The following LEF1 variants were observed in gnomAD, a reference collection of about 807,000 sequenced individuals.
LEF1 encodes the protein lymphoid enhancer-binding factor 1.
Under a neutral mutation model 51.2 loss-of-function variants are expected in LEF1, and 14 were observed. The ratio of observed to expected loss-of-function variants is 0.27; its 90% CI spans 0.18 to 0.43. The LOEUF (loss-of-function observed/expected upper bound fraction) is 0.43, where lower values mean the gene tolerates loss of function less well. LEF1 is among the 20% of genes least tolerant of loss of function. The pLI, the probability that LEF1 is intolerant of heterozygous loss-of-function variation, is 1.00. For synonymous variants in LEF1, 185 were observed against 183.2 expected (o/e 1.01, Z -0.08); for missense variants, 386 against 512.0 (o/e 0.75, Z 2.37).
intron 3 of LEF1, among the ~76,000 whole-genome samples, chr4:108,116,075 C>T (rs1319334020): frequency 2.0e-5 from 3 of 152,118 alleles, no homozygotes; most frequent in Admixed American, 1.3e-4. Flanking sequence ...GCTGTGCTCC[C>T]GCCCAGGCAA....
intron 3 of LEF1, among the ~76,000 whole-genome samples, chr4:108,090,229 T>G (rs1739927770): frequency 6.6e-6 from 1 of 152,162 alleles, no homozygotes; most frequent in African/African-American, 2.4e-5. Flanking sequence ...CTGCCCACTT[T>G]GGCCTCCCAA....
intron 3 of LEF1, among the ~76,000 whole-genome samples, chr4:108,091,454 GA>G (rs1188972900): frequency 0.044 from 1,404 of 31,818 alleles, 10 homozygotes; most frequent in Middle Eastern, 0.23. Flanking sequence ...ACGGGGGGGG[GA>G]AAAAAAAGGA....
chr4:108,123,311 T>A (rs957660734), intron 3 of LEF1, among the ~76,000 whole-genome samples: 2 of 152,152 alleles, frequency 1.3e-5, no homozygotes, highest in African/African-American at 4.8e-5. Flanking sequence ...CTTCTTCTAG[T>A]CAGTGACAGC....
chr4:108,115,846 T>TACACACACACACACACACAC lies in LEF1; in HGVS notation c.415-26609_415-26590dup, dbSNP rs55839332. 2.8e-3 allele frequency among the ~76,000 whole-genome samples: 394 copies of TACACACACACACACACACAC among 139,364 alleles called. 5 individuals are homozygous for TACACACACACACACACACAC. Among genetic ancestry groups the TACACACACACACACACACAC allele is most frequent in the African/African-American group, 9.8e-3 (361 of 36,762 alleles). 91.4% of individuals were successfully genotyped at this position (139,364 alleles called of 152,430 possible). A position where few individuals can be genotyped will look rare whatever the true frequency, so the allele number is the denominator to read the frequency against. On this transcript the variant is annotated intron_variant, in intron 3 of 11. Coordinates refer to ENST00000265165, the MANE Select transcript of LEF1 (RefSeq NM_016269.5). ...AAAGGTCTGCCTATAATGTAACACA[T>TACACACACACACACACACAC]ACACACACACACACACACACACACA... is the stretch of plus-strand genomic sequence containing the variant.
intron 11 of LEF1, among the ~76,000 whole-genome samples, chr4:108,059,288 G>A (rs1280960696): frequency 6.6e-6 from 1 of 152,206 alleles, no homozygotes; most frequent in Non-Finnish European, 1.5e-5. Context: ...CAAAAAATGG[G>A]AAGCATTCCA....
intron 3 of LEF1, among the ~76,000 whole-genome samples, chr4:108,120,995 C>A (rs1016560837): frequency 2.0e-5 from 3 of 152,192 alleles, no homozygotes; most frequent in African/African-American, 7.2e-5. Flanking sequence ...AATCATTCTG[C>A]AAAGTAAAAA....
chr4:108,101,920 C>T (rs1740850228), intron 3 of LEF1, among the ~76,000 whole-genome samples: 1 of 152,044 alleles, frequency 6.6e-6, no homozygotes, highest in Non-Finnish European at 1.5e-5. Context: ...ATTAGCCAGA[C>T]ATGGTGGCAT....
At chr4:108,152,112 AAG>A (rs1272614808) in intron 3 of LEF1, among the ~76,000 whole-genome samples, 2 of 152,226 alleles carry the variant, frequency 1.3e-5, no homozygotes, top group African/African-American at 2.4e-5. Flanking sequence ...GAGGACCCGA[AAG>A]AGAGAGTAGT....
chr4:108,106,586 G>A lies in LEF1; in HGVS notation c.415-17329C>T, dbSNP rs537692938. Reference sequence around the variant, plus strand: ...CACACATTAGGGTACTTTTGTTGTCGTTTCATGCAACACAAGTTATAAAGT... The same window carrying A: ...CACACATTAGGGTACTTTTGTTGTCATTTCATGCAACACAAGTTATAAAGT... On this transcript the variant is annotated intron_variant, in intron 3 of 11. Transcript: ENST00000265165. Among the ~76,000 whole-genome samples the A allele has an allele frequency of 7.2e-5, 11 of 152,224 alleles. No homozygotes were observed. The South Asian group carries it at 1.0e-3, about 14-fold the overall frequency.
chr4:108,102,926 T>C (rs1740922829), intron 3 of LEF1, among the ~76,000 whole-genome samples: 2 of 152,208 alleles, frequency 1.3e-5, no homozygotes, highest in Non-Finnish European at 2.9e-5. Context: ...TGGATCTCAT[T>C]ATCACCCTGC....
intron 4 of LEF1, among the ~76,000 whole-genome samples, chr4:108,084,808 T>G (rs4391117): frequency 0.87 from 132,483 of 151,840 alleles, 58,339 homozygotes; most frequent in East Asian, 0.97. Flanking sequence ...AGGATTTTTT[T>G]GGGGTGGGGG....
At chr4:108,086,757 CCTTTT>C (rs1040727582) in intron 4 of LEF1, among the ~76,000 whole-genome samples, 3 of 151,136 alleles carry the variant, frequency 2.0e-5, no homozygotes, top group African/African-American at 2.4e-5. Flanking sequence ...AAAGCGCTTT[CCTTTT>C]GATATTTTTA....
intron 11 of LEF1, among the ~76,000 whole-genome samples, chr4:108,060,673 G>A (rs1351207963): frequency 6.6e-6 from 1 of 151,940 alleles, no homozygotes; most frequent in East Asian, 1.9e-4. Context: ...TGCCTTTCCT[G>A]ACAATCCAAT....
intron 8 of LEF1, among the ~76,000 whole-genome samples, chr4:108,076,422 G>A (rs1201753581): frequency 6.6e-6 from 1 of 152,142 alleles, no homozygotes; most frequent in Non-Finnish European, 1.5e-5. Context: ...AGGCTAGAGA[G>A]CAGTGGCACA....
chr4:108,064,227 A>G (rs1737898072), intron 10 of LEF1, 109 bp downstream of exon 10: 1 of 689,686 alleles, frequency 1.4e-6, no homozygotes, highest in Non-Finnish European at 2.5e-6. Context: ...GAGTTAAAGC[A>G]TCATAAGTTA....
intron 3 of LEF1, among the ~76,000 whole-genome samples, chr4:108,122,258 T>C (rs1490122311): frequency 1.3e-5 from 2 of 152,232 alleles, no homozygotes; most frequent in African/African-American, 4.8e-5. Flanking sequence ...TTTTCCTTTA[T>C]AGATCTTAAA....
intron 3 of LEF1, among the ~76,000 whole-genome samples, chr4:108,161,771 A>G (rs2090312265): frequency 6.6e-6 from 1 of 152,176 alleles, no homozygotes. Context: ...TAAGAAATAA[A>G]TTCCACAAAT....
chr4:108,150,294 A>C (rs1056637266), intron 3 of LEF1, among the ~76,000 whole-genome samples: 1 of 152,232 alleles, frequency 6.6e-6, no homozygotes, highest in Non-Finnish European at 1.5e-5. Context: ...TTCTAAGAAT[A>C]ATGAAACCTT....
At chr4:108,100,236 T>G (rs1453313948) in intron 3 of LEF1, among the ~76,000 whole-genome samples, 1 of 152,192 alleles carries the variant, frequency 6.6e-6, no homozygotes, top group African/African-American at 2.4e-5. Context: ...CTTTGCTTCA[T>G]CTTAAAGCTC....
Sources: allele counts gnomAD v4.1 joint callset (sites outside exome capture counted in the v4.1 genomes callset), GRCh38; gene constraint gnomAD v4.1.1; transcripts MANE v1.5; gene names NCBI Gene and HGNC (gene_info 2026-07-23, HGNC 2026-07-21).